The following STXBP5L variants were observed in gnomAD, a reference collection of about 807,000 sequenced individuals.
STXBP5L encodes syntaxin-binding protein 5-like.
Under a neutral mutation model 144.5 loss-of-function variants are expected in STXBP5L, and 65 were observed. The observed-to-expected ratio is 0.45, with a 90% CI of 0.37 to 0.55. STXBP5L has a LOEUF of 0.55. Ranked by LOEUF, STXBP5L falls within the 20% of genes least tolerant of loss-of-function variation. The probability of loss-of-function intolerance (pLI) is 0.00; values close to 1 mark genes in which losing one functional copy is unlikely to be tolerated. For synonymous variants in STXBP5L, 505 were observed against 469.6 expected (o/e 1.08, Z -0.97); for missense variants, 1,298 against 1,405.5 (o/e 0.92, Z 1.22).
At chr3:121,104,035 G>A (rs1175976511) in intron 5 of STXBP5L, among the ~76,000 whole-genome samples, 2 of 152,126 alleles carry the variant, frequency 1.3e-5, no homozygotes, top group African/African-American at 2.4e-5. Flanking sequence ...TGTGTCTGTA[G>A]CATCTACATG....
At chr3:121,038,489 G>A (rs756885382) in intron 3 of STXBP5L, among the ~76,000 whole-genome samples, 1 of 151,778 alleles carries the variant, frequency 6.6e-6, no homozygotes, top group Non-Finnish European at 1.5e-5. Flanking sequence ...ACTTTTAAAT[G>A]CTTTGATACT....
At chr3:121,301,361 T>C (rs932169043) in intron 19 of STXBP5L, among the ~76,000 whole-genome samples, 1 of 152,186 alleles carries the variant, frequency 6.6e-6, no homozygotes, top group African/African-American at 2.4e-5. Flanking sequence ...GTTATTGGTG[T>C]ATAAGAATGC....
At chr3:121,005,988 G>T (rs1944262407) in intron 3 of STXBP5L, among the ~76,000 whole-genome samples, 2 of 152,090 alleles carry the variant, frequency 1.3e-5, no homozygotes, top group Non-Finnish European at 2.9e-5. Flanking sequence ...GGTCACTTTT[G>T]GAATAGGTAT....
At chr3:121,159,774 C>T (rs1004174523) in intron 9 of STXBP5L, among the ~76,000 whole-genome samples, 1 of 151,640 alleles carries the variant, frequency 6.6e-6, no homozygotes, top group East Asian at 1.9e-4. Context: ...GGACTACAGG[C>T]GCCCGCTACC....
chr3:121,402,761 C>T (rs1472839961), intron 22 of STXBP5L, among the ~76,000 whole-genome samples: 1 of 152,054 alleles, frequency 6.6e-6, no homozygotes, highest in Admixed American at 6.6e-5. Context: ...AGTCCTTGCC[C>T]CTGCACTCCT....
chr3:121,143,245 C>T (rs2045579609), intron 7 of STXBP5L, among the ~76,000 whole-genome samples: 1 of 149,818 alleles, frequency 6.7e-6, no homozygotes, highest in Non-Finnish European at 1.5e-5. Flanking sequence ...GATGGCTTCA[C>T]TAGTGAATTC....
At chr3:121,296,844 C>T (rs952742989) in intron 19 of STXBP5L, among the ~76,000 whole-genome samples, 5 of 152,142 alleles carry the variant, frequency 3.3e-5, no homozygotes, top group East Asian at 1.9e-4. Flanking sequence ...GCCACTAAAC[C>T]CTCACCAATC....
intron 3 of STXBP5L, among the ~76,000 whole-genome samples, chr3:121,008,394 C>G (rs1054266033): frequency 6.6e-6 from 1 of 151,944 alleles, no homozygotes; most frequent in African/African-American, 2.4e-5. Flanking sequence ...GAACTAATGT[C>G]TCTAGTGCAA....
chr3:121,080,819 T>C (rs3914745), intron 5 of STXBP5L, among the ~76,000 whole-genome samples: 32,472 of 152,154 alleles, frequency 0.21, 3,693 homozygotes, highest in Non-Finnish European at 0.26. Flanking sequence ...TCACATTGTT[T>C]AGCCTGATGA....
chr3:121,214,957 G>A (rs895244972), intron 10 of STXBP5L, among the ~76,000 whole-genome samples: 4 of 151,906 alleles, frequency 2.6e-5, no homozygotes, highest in Admixed American at 2.0e-4. Context: ...TTACCATTAT[G>A]TAATGCCCTT....
intron 3 of STXBP5L, among the ~76,000 whole-genome samples, chr3:121,026,052 A>G (rs942366112): frequency 6.8e-6 from 1 of 147,456 alleles, no homozygotes; most frequent in Admixed American, 6.8e-5. Context: ...AATTATAATT[A>G]AATTATATTA....
chr3:121,078,807 C>T (rs1000151578), intron 5 of STXBP5L, among the ~76,000 whole-genome samples: 34 of 152,266 alleles, frequency 2.2e-4, no homozygotes, highest in African/African-American at 7.7e-4. Context: ...GTGCTAAGCC[C>T]TTCATTGCCT....
chr3:121,122,909 T>A (rs1225705879), intron 7 of STXBP5L, among the ~76,000 whole-genome samples: 1 of 151,366 alleles, frequency 6.6e-6, no homozygotes, highest in Non-Finnish European at 1.5e-5. Context: ...ATAATGAACA[T>A]GTAAAATATA....
chr3:121,307,671 A>T (rs1311337142), intron 19 of STXBP5L, among the ~76,000 whole-genome samples: 1 of 152,162 alleles, frequency 6.6e-6, no homozygotes, highest in Non-Finnish European at 1.5e-5. Flanking sequence ...AGTCTCAGAG[A>T]AACATGGGAC....
At chr3:120,967,765 CT>C (rs796325072) in intron 3 of STXBP5L, among the ~76,000 whole-genome samples, 10 of 152,072 alleles carry the variant, frequency 6.6e-5, no homozygotes, top group African/African-American at 2.2e-4. Context: ...CTTAGAACTG[CT>C]TTTGCTGTAT....
At chr3:121,035,445 A>T (rs912498779) in intron 3 of STXBP5L, among the ~76,000 whole-genome samples, 1 of 152,172 alleles carries the variant, frequency 6.6e-6, no homozygotes, top group East Asian at 1.9e-4. Flanking sequence ...CAATTTTCCC[A>T]GCACCATTTA....
intron 1 of STXBP5L, 83 bp downstream of exon 1, chr3:120,908,417 G>GT (rs777167467): frequency 6.4e-6 from 1 of 156,130 alleles, no homozygotes. Flanking sequence ...CCTCGCACCT[G>GT]TGTGTGTCTG....
Position 121,407,847 on chromosome 3 carries a change from T to A in STXBP5L, c.2948+244T>A, listed in dbSNP as rs139726920. Among the ~76,000 whole-genome samples, 689 of 152,120 alleles carry A rather than the reference T, an allele frequency of 4.5e-3. 16 individuals carry two copies. The highest frequency in any genetic ancestry group is 7.5e-3 in the East Asian group (39 of 5,184). On this transcript the variant is annotated intron_variant, in intron 23 of 26. Transcript: ENST00000471454. ...TGAGTGAAATATATTTTTAATTGTTTTGAAGGAATCTAAGAAAAGAATGAT... is the reference window on the plus strand; with the variant it reads ...TGAGTGAAATATATTTTTAATTGTTATGAAGGAATCTAAGAAAAGAATGAT...
chr3:120,987,787 T>C (rs1045430811), intron 3 of STXBP5L, among the ~76,000 whole-genome samples: 1 of 151,834 alleles, frequency 6.6e-6, no homozygotes, highest in Non-Finnish European at 1.5e-5. Context: ...TTAATTTGAT[T>C]TTGTTATCTG....
Sources: gnomAD v4.1 joint callset for allele counts (sites outside exome capture counted in the v4.1 genomes callset) on GRCh38, gnomAD v4.1.1 for gene constraint, MANE v1.5 for transcripts, NCBI Gene and HGNC (gene_info 2026-07-23, HGNC 2026-07-21) for gene names.